The following DIO2 variants were observed in gnomAD, a reference collection of about 807,000 sequenced individuals.
DIO2 encodes the protein type II iodothyronine deiodinase.
A neutral mutation model predicts 21.4 loss-of-function variants in DIO2; 19 were observed. The observed-to-expected ratio is 0.89, with a 90% CI of 0.62 to 1.30. The LOEUF (loss-of-function observed/expected upper bound fraction) is 1.30. Ranked by LOEUF, DIO2 falls within the 50% of genes most tolerant of loss-of-function variation. DIO2 has a pLI of 0.00. For synonymous variants in DIO2, 122 were observed against 132.9 expected, an observed-to-expected ratio of 0.92 and a Z score of 0.57; for missense variants, 302 against 338.1, an observed-to-expected ratio of 0.89 and a Z score of 0.84.
chr14:80,212,846 GAA>G (rs57172413), upstream of DIO2, among the ~76,000 whole-genome samples: 59 of 114,056 alleles, frequency 5.2e-4, no homozygotes, highest in African/African-American at 1.7e-3. Context: ...AGCTTCTAAT[GAA>G]AAAAAAAAAA....
chr14:80,202,457 T>C lies in DIO2; in HGVS notation c.*232A>G. The C allele has an allele frequency of 1.4e-6, 1 of 739,606 alleles. No homozygotes were observed. Among genetic ancestry groups the C allele is most frequent in the Non-Finnish European group, 2.5e-6 (1 of 404,768 alleles). The allele number at this position is 739,606 out of a possible 1,614,324, so 45.8% of individuals were successfully genotyped here. A position where few individuals can be genotyped will look rare whatever the true frequency, so the allele number is the denominator to read the frequency against. ...GTTTCTTCCTCTCCATCTTGGGATC[T>C]TTTCACATAGGGCTTTTTACTAAGA... On this transcript the variant is annotated 3_prime_UTR_variant, in exon 2 of 2. Coordinates refer to ENST00000438257, the MANE Select transcript of DIO2 (RefSeq NM_013989.5).
At chr14:80,207,900 T>G (rs1432175551) in intron 1 of DIO2, among the ~76,000 whole-genome samples, 2 of 152,220 alleles carry the variant, frequency 1.3e-5, no homozygotes, top group Non-Finnish European at 2.9e-5. Flanking sequence ...AAGGGCCATT[T>G]TCCATTGTGG....
intron 1 of DIO2, among the ~76,000 whole-genome samples, chr14:80,209,845 T>A (rs1432943259): frequency 2.0e-5 from 3 of 152,242 alleles, no homozygotes; most frequent in African/African-American, 7.2e-5. Context: ...CAACAGATAT[T>A]TTCTTCTTGA....
At chr14:80,209,923 T>C (rs1013327304) in intron 1 of DIO2, among the ~76,000 whole-genome samples, 26 of 152,222 alleles carry the variant, frequency 1.7e-4, no homozygotes, top group Admixed American at 4.6e-4. Context: ...CTTCTTCTCT[T>C]TTCTTGGCGC....
rs1887775511 is a variant in DIO2 at position 80,202,606 on chromosome 14, T to C, written c.*83A>G. 5 of 1,375,622 alleles carry C rather than the reference T, an allele frequency of 3.6e-6. No homozygotes were observed. In the South Asian group the frequency reaches 7.2e-5, roughly 20 times the overall value. The allele number at this position is 1,375,622 out of a possible 1,614,324, so 85.2% of individuals were successfully genotyped here. A position where few individuals can be genotyped will look rare whatever the true frequency, so the allele number is the denominator to read the frequency against. ...CTGTCTTTCAGTAAGCCAATAGGGCTCTGTTGAAATATGGATTCAGTTCTT... is the reference window on the plus strand; with the variant it reads ...CTGTCTTTCAGTAAGCCAATAGGGCCCTGTTGAAATATGGATTCAGTTCTT... On this transcript the variant is annotated 3_prime_UTR_variant, in exon 2 of 2. Transcript: ENST00000438257.
At chr14:80,229,705 T>C (rs1888647621) in intron 2 of DIO2, among the ~76,000 whole-genome samples, 1 of 152,134 alleles carries the variant, frequency 6.6e-6, no homozygotes. Flanking sequence ...GCAAATAAAC[T>C]ATTAGAACAT....
Position 80,202,557 on chromosome 14 carries a change from C to T in DIO2, c.*132G>A. The T allele has an allele frequency of 1.0e-6, 1 of 956,128 alleles. No homozygotes were observed. The highest frequency in any genetic ancestry group is 1.5e-6 in the Non-Finnish European group (1 of 653,568). The allele number at this position is 956,128 out of a possible 1,614,324, so 59.2% of individuals were successfully genotyped here. The stretch of plus-strand genomic sequence containing the variant: ...AAGAAGTATGGAGCTGTTAGAGATT[C>T]ATGTTCTTCCGATAGATAAACTCCT... On this transcript the variant is annotated 3_prime_UTR_variant, in exon 2 of 2. Transcript: ENST00000438257.
At chr14:80,206,353 A>T in intron 1 of DIO2, 1 of 1,469,620 alleles carries the variant, frequency 6.8e-7, no homozygotes, top group Non-Finnish European at 9.1e-7. Context: ...AATAAAGAAA[A>T]AAAACTTTTT....
At position 80,202,702 on chromosome 14, in the gene DIO2, C is replaced by G; in HGVS notation, c.809G>C (p.Arg270Thr). 6.2e-7 allele frequency: 1 copy of G among 1,612,256 alleles called. No individual in the cohort carries two copies. Among genetic ancestry groups the G allele is most frequent in the Non-Finnish European group, 8.5e-7 (1 of 1,179,018 alleles). ...KNFSKRUKKT[R>T]LAG Reference sequence around the variant, plus strand: ...ATAATCATACCTTTAACCAGCTAATCTAGTTTTCTTTCATCTCTTGCTGAA... The same window carrying G: ...ATAATCATACCTTTAACCAGCTAATGTAGTTTTCTTTCATCTCTTGCTGAA... Residue 270 changes from arginine to threonine, a missense_variant, in exon 2 of 2, where the codon AGA becomes ACA. Coordinates refer to ENST00000438257, the MANE Select transcript of DIO2 (RefSeq NM_013989.5).
intron 1 of DIO2, among the ~76,000 whole-genome samples, chr14:80,207,170 C>A (rs1887985315): frequency 6.6e-6 from 1 of 152,120 alleles, no homozygotes; most frequent in South Asian, 2.1e-4. Context: ...CAACAGAAGA[C>A]ATCTCCGGGC....
At chr14:80,226,784 C>T (rs1888585293) in intron 2 of DIO2, among the ~76,000 whole-genome samples, 1 of 152,222 alleles carries the variant, frequency 6.6e-6, no homozygotes, top group Non-Finnish European at 1.5e-5. Flanking sequence ...GTGGTGTCCA[C>T]AGAATGGGTC....
At chr14:80,213,512 C>T (rs1242216009), upstream of DIO2, among the ~76,000 whole-genome samples, 1 of 152,108 alleles carries the variant, frequency 6.6e-6, no homozygotes, top group Non-Finnish European at 1.5e-5. Context: ...GTTTGGTTGG[C>T]AGGTTGCTTT....
intron 1 of DIO2, 133 bp downstream of exon 1, chr14:80,211,118 A>T: frequency 2.6e-6 from 2 of 768,910 alleles, no homozygotes; most frequent in Non-Finnish European, 4.1e-6. Flanking sequence ...AAGTAAACTT[A>T]GAGGCTCACT....
intron 1 of DIO2, among the ~76,000 whole-genome samples, chr14:80,204,116 C>G (rs1314426487): frequency 6.6e-6 from 1 of 152,006 alleles, no homozygotes; most frequent in East Asian, 1.9e-4. Flanking sequence ...AAGCTTTGCA[C>G]TCTCCTCAAT....
chr14:80,224,327 G>A (rs771172077), intron 2 of DIO2, among the ~76,000 whole-genome samples: 1 of 152,066 alleles, frequency 6.6e-6, no homozygotes, highest in Non-Finnish European at 1.5e-5. Flanking sequence ...CCAACCAACA[G>A]ATACTAAATC....
chr14:80,220,149 A>C (rs1888437923), intron 2 of DIO2, among the ~76,000 whole-genome samples: 1 of 151,998 alleles, frequency 6.6e-6, no homozygotes, highest in Non-Finnish European at 1.5e-5. Flanking sequence ...ATCTTGGCTC[A>C]CTGAAAGCTC....
intron 2 of DIO2, among the ~76,000 whole-genome samples, chr14:80,226,346 A>C (rs1370142000): frequency 4.6e-5 from 7 of 152,220 alleles, no homozygotes; most frequent in Non-Finnish European, 7.3e-5. Flanking sequence ...ATTTAGCCAT[A>C]AAGTGAGTGC....
At position 80,220,908 on chromosome 14, in the gene DIO2, T is replaced by C. The variant is rs1241992835; in HGVS notation, c.-277-4171A>G. Among the ~76,000 whole-genome samples, 3 of 152,180 alleles carry C rather than the reference T, an allele frequency of 2.0e-5. 1 individual carries two copies. The highest frequency in any genetic ancestry group is 1.3e-4 in the Admixed American group (2 of 15,278). ...ATCAAGATTTCACGAATATAGGAAG[T>C]ATTTATGAAATACAGAGTCTGTTGT... On this transcript the variant is annotated intron_variant, in intron 2 of 4. Coordinates refer to the DIO2 transcript ENST00000553594.
At position 80,211,425 on chromosome 14, in the gene DIO2, T is replaced by C. The variant is rs750827588; in HGVS notation, c.48A>G (p.Pro16=). Reference sequence around the variant, plus strand: ...GGAAGAGGCAGTTGGAGAAAAAAACTGGCAGAATTTGCAGTGTGATCAGCA... The same window carrying C: ...GGAAGAGGCAGTTGGAGAAAAAAACCGGCAGAATTTGCAGTGTGATCAGCA... ...VDLLITLQIL[P]VFFSNCLFLA... is the part of the protein sequence containing the mutation. Residue 16 remains proline (P), a synonymous_variant, in exon 1 of 2, where the codon CCA becomes CCG. Transcript: ENST00000438257. 1.2e-6 allele frequency: 2 copies of C among 1,612,868 alleles called. No individual in the cohort carries two copies. The highest frequency in any genetic ancestry group is 1.7e-6 in the Non-Finnish European group (2 of 1,179,564).
Sources: allele counts gnomAD v4.1 joint callset (sites outside exome capture counted in the v4.1 genomes callset), GRCh38; gene constraint gnomAD v4.1.1; transcripts MANE v1.5; gene names NCBI Gene and HGNC (gene_info 2026-07-23, HGNC 2026-07-21).